GRIN3A: variants seen among roughly 807,000 people sequenced by gnomAD.
The protein encoded by GRIN3A is glutamate ionotropic receptor NMDA type subunit 3A.
In GRIN3A, 47 loss-of-function variants were observed where a neutral mutation model predicts 92.4. That is an observed-to-expected ratio of 0.51 (90% confidence interval 0.40 to 0.65). The LOEUF is 0.65. Among genes scored for constraint, GRIN3A ranks in the 30% least tolerant of loss-of-function variants. GRIN3A has a pLI of 0.00. For missense variants in GRIN3A, 1,324 were observed against 1,393.1 expected, an observed-to-expected ratio of 0.95 and a Z score of 0.79; for synonymous variants, 527 against 540.6, an observed-to-expected ratio of 0.97 and a Z score of 0.35.
intron 1 of GRIN3A, among the ~76,000 whole-genome samples, chr9:101,734,362 G>A (rs1348683849): frequency 6.6e-6 from 1 of 152,210 alleles, no homozygotes; most frequent in Non-Finnish European, 1.5e-5. Context: ...TGGGGTTTGA[G>A]TGTTGTAGTG....
chr9:101,688,389 G>A (rs1829565258), intron 1 of GRIN3A, among the ~76,000 whole-genome samples: 1 of 152,178 alleles, frequency 6.6e-6, no homozygotes, highest in Non-Finnish European at 1.5e-5. Context: ...CATGATGGTA[G>A]GTAGGATGGA....
intron 1 of GRIN3A, among the ~76,000 whole-genome samples, chr9:101,714,693 C>A (rs941530363): frequency 4.6e-5 from 7 of 151,888 alleles, no homozygotes; most frequent in Admixed American, 2.0e-4. Flanking sequence ...AACAGAAGTG[C>A]TAGTGAAAAA....
chr9:101,692,530 G>A (rs1296777226), intron 1 of GRIN3A, among the ~76,000 whole-genome samples: 2 of 152,178 alleles, frequency 1.3e-5, no homozygotes, highest in African/African-American at 2.4e-5. Context: ...GAAGAGAAAA[G>A]ATGCAATTCT....
chr9:101,642,792 C>T (rs1047500562), intron 3 of GRIN3A, among the ~76,000 whole-genome samples: 4 of 151,932 alleles, frequency 2.6e-5, no homozygotes, highest in Admixed American at 1.3e-4. Context: ...ACCCCACGTG[C>T]GAGGGATCTA....
rs1261695029 is a variant in GRIN3A, at chr9:101,738,269, C to G, written c.-290G>C. ...GCGCCTGTCACCCGCAGCTGGAGCG[C>G]CCGTTCCCTGCCCGCCCCATCTGCA... On this transcript the variant is annotated 5_prime_UTR_variant, in exon 1 of 9. Coordinates refer to ENST00000361820, the MANE Select transcript of GRIN3A (RefSeq NM_133445.3). 1 of 473,014 alleles carries G rather than the reference C, an allele frequency of 2.1e-6. No individual in the cohort carries two copies. Among genetic ancestry groups the G allele is most frequent in the East Asian group, 4.1e-5 (1 of 24,188 alleles). 29.3% of individuals were successfully genotyped at this position (473,014 alleles called of 1,614,324 possible).
intron 4 of GRIN3A, among the ~76,000 whole-genome samples, chr9:101,626,063 C>T (rs1170353158): frequency 6.6e-6 from 1 of 152,164 alleles, no homozygotes; most frequent in African/African-American, 2.4e-5. Context: ...CATTGGGACC[C>T]TGAGTCACTG....
At chr9:101,678,836 G>A (rs1009451125) in intron 2 of GRIN3A, among the ~76,000 whole-genome samples, 3 of 152,104 alleles carry the variant, frequency 2.0e-5, no homozygotes, top group Non-Finnish European at 2.9e-5. Flanking sequence ...TGGCAAGCTG[G>A]CACTTTTTTC....
intron 8 of GRIN3A, among the ~76,000 whole-genome samples, chr9:101,575,056 G>C (rs894265884): frequency 2.0e-4 from 30 of 152,226 alleles, no homozygotes; most frequent in African/African-American, 7.0e-4. Context: ...TAAGCAACTT[G>C]CTGTTGTTTA....
At chr9:101,602,635 C>T (rs552940241) in intron 6 of GRIN3A, among the ~76,000 whole-genome samples, 1 of 152,302 alleles carries the variant, frequency 6.6e-6, no homozygotes, top group East Asian at 1.9e-4. Context: ...AGCAAGAACT[C>T]TTAACAGTAT....
chr9:101,659,068 GC>G (rs1274662187), intron 3 of GRIN3A, among the ~76,000 whole-genome samples: 2 of 151,848 alleles, frequency 1.3e-5, no homozygotes, highest in Non-Finnish European at 2.9e-5. Flanking sequence ...CACAAAAGGA[GC>G]CCTCTTGGGG....
intron 4 of GRIN3A, among the ~76,000 whole-genome samples, chr9:101,625,183 T>A (rs924837654): frequency 2.0e-5 from 3 of 152,080 alleles, no homozygotes; most frequent in African/African-American, 4.8e-5. Flanking sequence ...ATTTATTTTT[T>A]AAAAATAAAA....
At chr9:101,644,011 CAGT>C (rs1218343747) in intron 3 of GRIN3A, among the ~76,000 whole-genome samples, 1 of 151,462 alleles carries the variant, frequency 6.6e-6, no homozygotes, top group Admixed American at 6.6e-5. Context: ...TTTGGTAAGA[CAGT>C]AGTTATTAAA....
intron 1 of GRIN3A, among the ~76,000 whole-genome samples, chr9:101,711,797 C>T (rs1304237497): frequency 6.6e-6 from 1 of 152,136 alleles, no homozygotes; most frequent in East Asian, 1.9e-4. Flanking sequence ...TGAATGGAAA[C>T]TAGAGAGCTA....
intron 1 of GRIN3A, among the ~76,000 whole-genome samples, chr9:101,710,200 G>T (rs1230570688): frequency 1.3e-5 from 2 of 152,054 alleles, no homozygotes; most frequent in Non-Finnish European, 2.9e-5. Context: ...GGTAGAGATG[G>T]GTGGGTGGAA....
chr9:101,678,940 A>C (rs1454633970), intron 2 of GRIN3A, among the ~76,000 whole-genome samples: 1 of 152,174 alleles, frequency 6.6e-6, no homozygotes, highest in Non-Finnish European at 1.5e-5. Flanking sequence ...TTTTGGTATG[A>C]ACCTTGACTC....
chr9:101,697,797 C>T lies in GRIN3A; in HGVS notation c.700-10597G>A, dbSNP rs1190703429. On this transcript the variant is annotated intron_variant, in intron 1 of 8. Transcript: ENST00000361820. Reference sequence around the variant, plus strand: ...TTAAGGGGCAGGAGTGAATTAGAGGCATTTCTCTTTCTATTATAAAGGTTA... The same window carrying T: ...TTAAGGGGCAGGAGTGAATTAGAGGTATTTCTCTTTCTATTATAAAGGTTA... 2.0e-5 allele frequency among the ~76,000 whole-genome samples: 3 copies of T among 152,274 alleles called. No individual in the cohort carries two copies. In the East Asian group the frequency reaches 5.8e-4, roughly 29 times the overall value.
chr9:101,685,681 A>T (rs531049986), intron 2 of GRIN3A, among the ~76,000 whole-genome samples: 17 of 151,850 alleles, frequency 1.1e-4, no homozygotes, highest in African/African-American at 4.1e-4. Flanking sequence ...GAACCGGAGC[A>T]GAAATGTATT....
chr9:101,702,627 T>C (rs1400056517), intron 1 of GRIN3A, among the ~76,000 whole-genome samples: 2 of 152,212 alleles, frequency 1.3e-5, no homozygotes, highest in Non-Finnish European at 2.9e-5. Context: ...GCACTCTCAC[T>C]AAATTTAGAT....
intron 6 of GRIN3A, among the ~76,000 whole-genome samples, chr9:101,590,958 C>T (rs1828015363): frequency 6.6e-6 from 1 of 152,242 alleles, no homozygotes; most frequent in East Asian, 1.9e-4. Context: ...AGAGAATATA[C>T]ACCAAAGCTA....
Sources: allele counts gnomAD v4.1 joint callset (sites outside exome capture counted in the v4.1 genomes callset), GRCh38; gene constraint gnomAD v4.1.1; transcripts MANE v1.5; gene names NCBI Gene and HGNC (gene_info 2026-07-23, HGNC 2026-07-21).